Variants in ODAD4 observed in about 807,000 individuals in gnomAD.
ODAD4 encodes the protein outer dynein arm-docking complex subunit 4.
Under a neutral mutation model 51.8 loss-of-function variants are expected in ODAD4, and 49 were observed. The observed-to-expected ratio is 0.95, with a 90% confidence interval of 0.75 to 1.20. The LOEUF is 1.20. Ranked by LOEUF, ODAD4 falls within the 50% of genes most tolerant of loss-of-function variation. The pLI is 0.00. For missense variants in ODAD4, 590 were observed against 586.5 expected (o/e 1.01, Z -0.06); for synonymous variants, 235 against 221.3 (o/e 1.06, Z -0.55).
chr17:41,952,554 A>C (rs1488805281), intron 9 of ODAD4: 7 of 316,128 alleles, frequency 2.2e-5, no homozygotes, highest in Middle Eastern at 9.3e-4. Context: ...AAAAAAAAAA[A>C]AAAAAAAAAA....
chr17:41,945,763 C>T (rs1338077387), intron 8 of ODAD4, among the ~76,000 whole-genome samples: 1 of 150,850 alleles, frequency 6.6e-6, no homozygotes, highest in Non-Finnish European at 1.5e-5. Flanking sequence ...TAGCCGAACA[C>T]GTTGGCACGT....
chr17:41,956,617 G>C (rs545791785), intron 10 of ODAD4, among the ~76,000 whole-genome samples: 65 of 151,854 alleles, frequency 4.3e-4, no homozygotes, highest in Non-Finnish European at 8.1e-4. Context: ...AATTAGCCGG[G>C]TGTGGTGACT....
intron 8 of ODAD4, among the ~76,000 whole-genome samples, chr17:41,948,331 T>TC (rs2050613549): frequency 6.6e-6 from 1 of 150,914 alleles, no homozygotes; most frequent in Non-Finnish European, 1.5e-5. Flanking sequence ...CTTTTTTTTT[T>TC]TTTGAGACAG....
intron 7 of ODAD4, among the ~76,000 whole-genome samples, chr17:41,943,595 A>G (rs2050536700): frequency 6.6e-6 from 1 of 152,186 alleles, no homozygotes; most frequent in Admixed American, 6.5e-5. Flanking sequence ...AACAAATCAC[A>G]ATGGTGGAAT....
chr17:41,932,726 CTTT>C (rs10712306), intron 1 of ODAD4, among the ~76,000 whole-genome samples: 18 of 112,012 alleles, frequency 1.6e-4, no homozygotes, highest in Admixed American at 6.8e-4. Flanking sequence ...TTCTTTTCTT[CTTT>C]TTTTTTTTTT....
At chr17:41,944,431 CACACACA>C (rs2050554037) in intron 7 of ODAD4, among the ~76,000 whole-genome samples, 7 of 5,462 alleles carry the variant, frequency 1.3e-3, no homozygotes, top group Non-Finnish European at 1.7e-3. Context: ...CACACACACA[CACACACA>C]CACACACCCC....
chr17:41,937,431 G>A (rs1555638007), intron 5 of ODAD4, among the ~76,000 whole-genome samples: 1 of 152,162 alleles, frequency 6.6e-6, no homozygotes, highest in East Asian at 1.9e-4. Flanking sequence ...ACAAGTTCAT[G>A]GTGGAGTCAA....
At chr17:41,934,578 T>G (rs1027670225) in intron 1 of ODAD4, among the ~76,000 whole-genome samples, 7 of 151,960 alleles carry the variant, frequency 4.6e-5, no homozygotes, top group Non-Finnish European at 1.0e-4. Flanking sequence ...TCTCAAACTC[T>G]TGGGCTCAAG....
In ODAD4 at chr17:41,936,824, G is replaced by A. The variant is rs782372704; in HGVS notation, c.522G>A (p.Glu174=). 19 of 1,613,870 alleles carry A rather than the reference G, an allele frequency of 1.2e-5. 1 individual carries two copies. The highest frequency in any genetic ancestry group is 2.7e-5 in the African/African-American group (2 of 74,926). Residue 174 remains glutamate (E), a synonymous_variant, in exon 5 of 12, where the codon GAG becomes GAA. Coordinates refer to ENST00000377540, the MANE Select transcript of ODAD4 (RefSeq NM_031421.5). ...MKHLLHPTKG[E]PKWKASLKSE... ...ACCTCTTACACCCCACCAAGGGAGA[G>A]CCCAAGTGGAAGGCCTCGCTCAAGA...
chr17:41,949,253 G>A lies in ODAD4; in HGVS notation c.1246G>A (p.Ala416Thr). 2.5e-6 allele frequency: 1 copy of A among 398,582 alleles called. No homozygotes were observed. The highest frequency in any genetic ancestry group is 2.1e-5 in the African/African-American group (1 of 48,734). The allele number at this position is 398,582 out of a possible 1,614,324, so 24.7% of individuals were successfully genotyped here. Residue 416 changes from alanine (A) to threonine (T), a missense_variant, in exon 9 of 12, where the codon GCC becomes ACC. Physicochemically the swap from Ala to Thr is moderately conservative, Grantham distance 58. This residue lies in a region of ODAD4 where 226 missense variants were observed against 162.7 expected (regional missense o/e 1.39). Transcript: ENST00000377540. ...CYLELDQAWQAQNYGEKSQQC... is the reference protein window; with the variant it reads ...CYLELDQAWQTQNYGEKSQQC... Reference sequence around the variant, plus strand: ...CTTGGAGCTGGACCAGGCCTGGCAGGCCCAGAATTATGGCGAGAAGTCCCA... The same window carrying A: ...CTTGGAGCTGGACCAGGCCTGGCAGACCCAGAATTATGGCGAGAAGTCCCA...
rs782298672 is a variant in ODAD4, at chr17:41,944,422, ACACACACACACACACACACACAC to A, written c.1059-712_1059-690del. The stretch of plus-strand genomic sequence containing the variant: ...CACACACACACACACACACACACAC[ACACACACACACACACACACACAC>A]CCCCCCGCATACACAGAAATTGCCT... On this transcript the variant is annotated intron_variant, in intron 7 of 11. Transcript: ENST00000377540. Among the ~76,000 whole-genome samples the A allele has an allele frequency of 4.5e-3, 579 of 129,412 alleles. 12 individuals carry two copies. The highest frequency in any genetic ancestry group is 0.019 in the South Asian group (84 of 4,382). The allele number at this position is 129,412 out of a possible 152,430, so 84.9% of individuals were successfully genotyped here. A position where few individuals can be genotyped will look rare whatever the true frequency, so the allele number is the denominator to read the frequency against.
At chr17:41,936,967 G>A in intron 5 of ODAD4, 40 bp downstream of exon 5, 5 of 1,606,254 alleles carry the variant, frequency 3.1e-6, no homozygotes, top group Non-Finnish European at 4.3e-6. Flanking sequence ...TGGGGGAAAG[G>A]AAATCTGGGT....
At position 41,965,355 on chromosome 17, in the gene ODAD4, G is replaced by A. The variant is rs1555642492; in HGVS notation, c.1891G>A (p.Glu631Lys). 1.3e-6 allele frequency: 1 copy of A among 780,696 alleles called. No individual in the cohort carries two copies. The allele number at this position is 780,696 out of a possible 1,614,324, so 48.4% of individuals were successfully genotyped here. The change falls in exon 12 of 12, where the codon GAA becomes AAA. Residue 631 changes from glutamate to lysine, a missense_variant. Transcript: ENST00000377540. ...QRLSGEFSRQ[E>K]PEELKKLSEV... ...ACTCTCAGGAGAATTCAGCAGACAG[G>A]AACCAGAAGAACTAAAGAAACTTTC...
intron 9 of ODAD4, among the ~76,000 whole-genome samples, chr17:41,949,572 T>C (rs2050627866): frequency 6.6e-6 from 1 of 152,186 alleles, no homozygotes; most frequent in South Asian, 2.1e-4. Flanking sequence ...CCTCTGCCCT[T>C]GAGGAGGTCA....
intron 1 of ODAD4, among the ~76,000 whole-genome samples, chr17:41,932,543 T>G (rs2050363056): frequency 6.6e-6 from 1 of 151,982 alleles, no homozygotes; most frequent in African/African-American, 2.4e-5. Context: ...TTGTTTTTTT[T>G]TTGTTTGTTT....
intron 11 of ODAD4, among the ~76,000 whole-genome samples, chr17:41,963,528 C>T (rs1026357441): frequency 2.6e-5 from 4 of 152,118 alleles, no homozygotes; most frequent in African/African-American, 7.2e-5. Flanking sequence ...TTTTCCAGCA[C>T]CTATGCTATT....
rs1555641688 is a variant in ODAD4, at chr17:41,961,420, G to A, written c.1482G>A (p.Leu494=). The stretch of plus-strand genomic sequence containing the variant: ...CCAACAAGGGTATCATCAGAGAACT[G>A]AGGAAAACCAACTACGTGGAGAATC... ...DDANKGIIRE[L]RKTNYVENLK... is the part of the protein sequence containing the mutation. The change falls in exon 11 of 12, where the codon CTG becomes CTA. Residue 494 remains leucine, a synonymous_variant. Transcript: ENST00000377540. 1.3e-6 allele frequency: 1 copy of A among 744,784 alleles called. No individual in the cohort carries two copies. The highest frequency in any genetic ancestry group is 2.5e-6 in the Non-Finnish European group (1 of 400,106). 46.1% of individuals were successfully genotyped at this position (744,784 alleles called of 1,614,324 possible). A position where few individuals can be genotyped will look rare whatever the true frequency, so the allele number is the denominator to read the frequency against.
chr17:41,961,933 A>G (rs1463326598), intron 11 of ODAD4, among the ~76,000 whole-genome samples: 1 of 152,112 alleles, frequency 6.6e-6, no homozygotes, highest in Non-Finnish European at 1.5e-5. Flanking sequence ...GAGGCAGAGG[A>G]GGCTTCGACG....
chr17:41,960,394 G>A (rs1486206224), intron 10 of ODAD4, among the ~76,000 whole-genome samples: 35 of 152,200 alleles, frequency 2.3e-4, no homozygotes, highest in Admixed American at 2.3e-3. Flanking sequence ...CTTGCAGTGA[G>A]CTGAGATCGT....
Sources: allele counts gnomAD v4.1 joint callset (sites outside exome capture counted in the v4.1 genomes callset), GRCh38; gene constraint gnomAD v4.1.1; regional missense constraint gnomAD v4.1.1; transcripts MANE v1.5; gene names NCBI Gene and HGNC (gene_info 2026-07-23, HGNC 2026-07-21).